The following ALDH1L1 variants were observed in gnomAD, a reference collection of about 807,000 sequenced individuals.
The protein encoded by ALDH1L1 is cytosolic 10-formyltetrahydrofolate dehydrogenase.
Under a neutral mutation model 101.1 loss-of-function variants are expected in ALDH1L1, and 68 were observed. The observed-to-expected ratio is 0.67, with a 90% confidence interval of 0.55 to 0.82. The LOEUF (loss-of-function observed/expected upper bound fraction) is 0.82, where lower values mean the gene tolerates loss of function less well. Ranked by LOEUF, ALDH1L1 falls within the 40% of genes least tolerant of loss-of-function variation. ALDH1L1 has a pLI of 0.00. For synonymous variants in ALDH1L1, 486 were observed against 470.8 expected, an observed-to-expected ratio of 1.03 and a Z score of -0.42; for missense variants, 1,087 against 1,172.7, an observed-to-expected ratio of 0.93 and a Z score of 1.07.
At chr3:126,154,977 C>G (rs2080876702) in intron 5 of ALDH1L1, among the ~76,000 whole-genome samples, 1 of 152,204 alleles carries the variant, frequency 6.6e-6, no homozygotes, top group Non-Finnish European at 1.5e-5. Context: ...CTGTGGGTCC[C>G]CACACAGCAA....
chr3:126,170,637 C>T (rs947217163), intron 1 of ALDH1L1, among the ~76,000 whole-genome samples: 2 of 152,136 alleles, frequency 1.3e-5, no homozygotes, highest in South Asian at 2.1e-4. Context: ...AAACTCTCCA[C>T]CCCCGCATCA....
chr3:126,146,959 C>T, intron 8 of ALDH1L1, 33 bp from the exon 9 acceptor site: 1 of 1,603,370 alleles, frequency 6.2e-7, no homozygotes, highest in Non-Finnish European at 8.5e-7. Flanking sequence ...AGGCTGGCCC[C>T]AGGGGAGCTG....
chr3:126,109,243 G>C (rs1288150227), intron 20 of ALDH1L1, among the ~76,000 whole-genome samples: 1 of 152,202 alleles, frequency 6.6e-6, no homozygotes, highest in Non-Finnish European at 1.5e-5. Context: ...CATGGCACCT[G>C]TCCCCCAGCA....
chr3:126,174,737 G>A (rs963352011), intron 1 of ALDH1L1, among the ~76,000 whole-genome samples: 5 of 152,058 alleles, frequency 3.3e-5, no homozygotes, highest in Admixed American at 6.6e-5. Context: ...AAAATTTATG[G>A]GATGCTGCTA....
At chr3:126,155,783 C>T (rs2080892728) in intron 4 of ALDH1L1, 1 of 298,610 alleles carries the variant, frequency 3.3e-6, no homozygotes, top group Non-Finnish European at 6.1e-6. Flanking sequence ...ACTGTAAAGC[C>T]CTGCAGGTAT....
upstream of ALDH1L1, among the ~76,000 whole-genome samples, chr3:126,182,022 G>T (rs1314082538): frequency 6.6e-6 from 1 of 152,186 alleles, no homozygotes; most frequent in African/African-American, 2.4e-5. Flanking sequence ...TCTTCAGGAA[G>T]TTCCTACTAA....
chr3:126,109,352 C>G (rs1945998434), intron 20 of ALDH1L1, among the ~76,000 whole-genome samples: 1 of 152,132 alleles, frequency 6.6e-6, no homozygotes, highest in African/African-American at 2.4e-5. Flanking sequence ...TGTCTGGGCT[C>G]AACTATAGCT....
rs570997840 is a variant in ALDH1L1 at position 126,112,769 on chromosome 3, G to A, written c.2181+13C>T. 182 of 1,611,948 alleles carry A rather than the reference G, an allele frequency of 1.1e-4. 5 individuals are homozygous for A. In the South Asian group the frequency reaches 2.0e-3, roughly 17 times the overall value. ...GTGAACCAGCCGCCCGCAGACCCTG[G>A]GGCAGGACTTACCACTCTCCGCACG... On this transcript the variant is annotated intron_variant, in intron 19 of 22. Transcript: ENST00000393434.
At chr3:126,114,787 C>T (rs371831943) in intron 17 of ALDH1L1, 131 bp from the exon 18 acceptor site, 6 of 765,498 alleles carry the variant, frequency 7.8e-6, no homozygotes, top group African/African-American at 3.5e-5. Flanking sequence ...GCCAGTGCCT[C>T]CCCACTCCCC....
intron 12 of ALDH1L1, chr3:126,135,061 T>C (rs1688553175): frequency 6.6e-6 from 1 of 152,004 alleles, no homozygotes; most frequent in African/African-American, 2.4e-5. Flanking sequence ...CTTAAATTTT[T>C]TTTTTTTTTT....
chr3:126,153,082 C>A (rs1219009872), intron 7 of ALDH1L1: 1 of 357,022 alleles, frequency 2.8e-6, no homozygotes, highest in Non-Finnish European at 5.4e-6. Flanking sequence ...AATGACCCCA[C>A]ACCCAGAGGT....
At chr3:126,123,223 T>G (rs1006342399) in intron 16 of ALDH1L1, among the ~76,000 whole-genome samples, 1 of 151,190 alleles carries the variant, frequency 6.6e-6, no homozygotes, top group African/African-American at 2.4e-5. Context: ...ATGATAAAAG[T>G]GTCAGTCACA....
intron 10 of ALDH1L1, 72 bp downstream of exon 10, chr3:126,137,741 G>A (rs756601939): frequency 6.5e-7 from 1 of 1,546,300 alleles, no homozygotes; most frequent in Non-Finnish European, 8.7e-7. Flanking sequence ...TTCCCCTCTT[G>A]TCTTATGTAG....
chr3:126,109,831 A>C, intron 20 of ALDH1L1, 113 bp downstream of exon 20: 1 of 1,453,248 alleles, frequency 6.9e-7, no homozygotes, highest in Non-Finnish European at 9.3e-7. Flanking sequence ...CTGCAGCCTG[A>C]CTGTGTAGGT....
intron 12 of ALDH1L1, among the ~76,000 whole-genome samples, chr3:126,134,402 G>A (rs2108244871): frequency 6.6e-6 from 1 of 152,304 alleles, no homozygotes; most frequent in African/African-American, 2.4e-5. Context: ...GCGCACGCAG[G>A]GCCCAGGCCA....
At chr3:126,180,901 C>A, upstream of ALDH1L1, 1 of 1,598,660 alleles carries the variant, frequency 6.3e-7, no homozygotes. Flanking sequence ...AGAGGAGACC[C>A]TCGCCAAGCC....
chr3:126,158,372 G>C (rs2080960046), intron 3 of ALDH1L1, 33 bp downstream of exon 3: 2 of 1,510,654 alleles, frequency 1.3e-6, no homozygotes, highest in African/African-American at 2.8e-5. Flanking sequence ...GACATGTATG[G>C]GGATGGCCCC....
chr3:126,112,909 C>T (rs370181910), intron 18 of ALDH1L1, 29 bp from the exon 19 acceptor site: 1 of 1,603,318 alleles, frequency 6.2e-7, no homozygotes, highest in Non-Finnish European at 8.5e-7. Flanking sequence ...AACACCAGGT[C>T]ACTGCTCCTC....
At chr3:126,180,815 A>G, upstream of ALDH1L1, 5 of 1,531,464 alleles carry the variant, frequency 3.3e-6, no homozygotes, top group South Asian at 6.1e-5. Context: ...ACCCTTGGAG[A>G]ATTCCCAGGG....
Sources: allele counts gnomAD v4.1 joint callset (sites outside exome capture counted in the v4.1 genomes callset), GRCh38; gene constraint gnomAD v4.1.1; transcripts MANE v1.5; gene names NCBI Gene and HGNC (gene_info 2026-07-23, HGNC 2026-07-21).